The following TTLL9 variants were observed in gnomAD, a reference collection of about 807,000 sequenced individuals.
TTLL9 encodes the protein probable tubulin polyglutamylase TTLL9.
In TTLL9, 47 loss-of-function variants were observed where a neutral mutation model predicts 65.6. That is an observed-to-expected ratio of 0.72 (90% CI 0.57 to 0.91). The LOEUF is 0.91. Among genes scored for constraint, TTLL9 ranks in the 40% least tolerant of loss-of-function variants. The pLI, the probability that TTLL9 is intolerant of heterozygous loss-of-function variation, is 0.00. For missense variants in TTLL9, 537 were observed against 568.8 expected (o/e 0.94, Z 0.57); for synonymous variants, 179 against 204.8 (o/e 0.87, Z 1.07).
intron 7 of TTLL9, among the ~76,000 whole-genome samples, chr20:31,920,300 C>T (rs1262941380): frequency 2.0e-5 from 3 of 152,072 alleles, no homozygotes; most frequent in South Asian, 2.1e-4. Flanking sequence ...ACTCAGCGCT[C>T]GATGCACGTT....
intron 10 of TTLL9, among the ~76,000 whole-genome samples, chr20:31,926,782 G>GTA (rs1207970999): frequency 6.6e-6 from 1 of 152,156 alleles, no homozygotes; most frequent in African/African-American, 2.4e-5. Context: ...GTCTAGAACA[G>GTA]TGTTTGAAAG....
chr20:31,923,610 CA>C (rs2063847964), intron 8 of TTLL9, among the ~76,000 whole-genome samples: 3 of 152,154 alleles, frequency 2.0e-5, no homozygotes, highest in African/African-American at 7.2e-5. Flanking sequence ...ATCACAAGGG[CA>C]AAAGGCCCTG....
intron 10 of TTLL9, among the ~76,000 whole-genome samples, chr20:31,932,882 G>A (rs1033818200): frequency 2.0e-5 from 3 of 151,984 alleles, no homozygotes; most frequent in East Asian, 1.9e-4. Flanking sequence ...TGTAATCCCC[G>A]CTACTTAGGA....
chr20:31,929,734 C>T (rs896755877), intron 10 of TTLL9, among the ~76,000 whole-genome samples: 3 of 152,142 alleles, frequency 2.0e-5, no homozygotes, highest in Non-Finnish European at 4.4e-5. Context: ...TCTTCATAAA[C>T]CTTTTACAGT....
intron 2 of TTLL9, among the ~76,000 whole-genome samples, chr20:31,883,431 TGTG>T (rs1011982638): frequency 1.1e-4 from 16 of 152,204 alleles, no homozygotes; most frequent in African/African-American, 3.9e-4. Context: ...CTCCTGACCT[TGTG>T]ATCCACCTGC....
intron 4 of TTLL9, among the ~76,000 whole-genome samples, chr20:31,906,577 T>A (rs913280258): frequency 1.3e-5 from 2 of 152,188 alleles, no homozygotes; most frequent in Non-Finnish European, 2.9e-5. Context: ...CTCCTCCAGA[T>A]GTCTTTTAAA....
intron 4 of TTLL9, among the ~76,000 whole-genome samples, chr20:31,902,860 C>CATTT (rs763482166): frequency 1.5e-4 from 23 of 151,956 alleles, no homozygotes; most frequent in South Asian, 2.1e-4. Context: ...ATTATTCATC[C>CATTT]ATTTATTTAT....
chr20:31,899,124 A>G (rs1382792439), intron 4 of TTLL9, among the ~76,000 whole-genome samples: 1 of 152,270 alleles, frequency 6.6e-6, no homozygotes, highest in African/African-American at 2.4e-5. Context: ...AAAGTAAAAG[A>G]GGCTTCGACA....
At chr20:31,917,062 T>C (rs2063746070) in intron 6 of TTLL9, among the ~76,000 whole-genome samples, 1 of 152,166 alleles carries the variant, frequency 6.6e-6, no homozygotes, top group Non-Finnish European at 1.5e-5. Context: ...CCAAAGCATA[T>C]GAACCTGAAA....
chr20:31,891,841 C>T (rs985359809), intron 3 of TTLL9, among the ~76,000 whole-genome samples: 4 of 152,308 alleles, frequency 2.6e-5, no homozygotes, highest in Middle Eastern at 3.4e-3. Flanking sequence ...CTCACTCTGT[C>T]ACCCAGGCTG....
intron 10 of TTLL9, among the ~76,000 whole-genome samples, chr20:31,930,326 AG>A (rs2063987342): frequency 6.6e-6 from 1 of 152,160 alleles, no homozygotes. Flanking sequence ...CAAAATGAAA[AG>A]ATTTTTTAAA....
At chr20:31,935,130 G>A (rs1341616489) in intron 12 of TTLL9, among the ~76,000 whole-genome samples, 1 of 152,188 alleles carries the variant, frequency 6.6e-6, no homozygotes, top group African/African-American at 2.4e-5. Context: ...TGAGGACCGA[G>A]CCTGGCACTG....
chr20:31,934,872 G>T lies in TTLL9; in HGVS notation c.988G>T (p.Asp330Tyr). The T allele has an allele frequency of 6.2e-7, 1 of 1,611,766 alleles. No individual in the cohort carries two copies. Among genetic ancestry groups the T allele is most frequent in the South Asian group, 1.1e-5 (1 of 90,786 alleles). ...FELYGYDILI[D>Y]QDLKPWLLEV... Reference sequence around the variant, plus strand: ...GCTGTACGGCTATGACATCCTCATCGACCAGGACCTCAAGCCGTAAGTGGG... The same window carrying T: ...GCTGTACGGCTATGACATCCTCATCTACCAGGACCTCAAGCCGTAAGTGGG... The change falls in exon 12 of 15, where the codon GAC becomes TAC. Residue 330 changes from aspartate to tyrosine, a missense_variant. Coordinates refer to ENST00000535842, the MANE Select transcript of TTLL9 (RefSeq NM_001008409.5).
chr20:31,938,677 A>G (rs1230221244), intron 13 of TTLL9, among the ~76,000 whole-genome samples: 2 of 152,194 alleles, frequency 1.3e-5, no homozygotes. Flanking sequence ...CAGGCGTTTG[A>G]GACCATCCTG....
At chr20:31,936,341 A>G (rs1284698652) in intron 12 of TTLL9, among the ~76,000 whole-genome samples, 2 of 152,158 alleles carry the variant, frequency 1.3e-5, no homozygotes, top group Non-Finnish European at 2.9e-5. Flanking sequence ...TCAAACACCT[A>G]TAATAATAAT....
chr20:31,938,338 G>A (rs2064152493), intron 13 of TTLL9: 4 of 388,884 alleles, frequency 1.0e-5, no homozygotes, highest in Admixed American at 2.9e-5. Context: ...AGGGAGGGAG[G>A]AGTGGTTCTC....
In TTLL9 at chr20:31,909,806, A is replaced by G. The variant is rs2063619080; in HGVS notation, c.388A>G (p.Lys130Glu). 2 of 1,614,186 alleles carry G rather than the reference A, an allele frequency of 1.2e-6. No individual in the cohort carries two copies. The highest frequency in any genetic ancestry group is 1.7e-6 in the Non-Finnish European group (2 of 1,180,030). Residue 130 changes from lysine to glutamate, a missense_variant, in exon 6 of 15, where the codon AAG becomes GAG. Around this residue, in one of 3 missense-constraint regions of TTLL9, gnomAD observed 320 missense variants for 311.0 expected, o/e 1.03. Transcript: ENST00000535842. ...FRKQLEREAGKLEAAKCDFFP... is the reference protein window; with the variant it reads ...FRKQLEREAGELEAAKCDFFP... ...GAAGCAGCTGGAGCGTGAGGCAGGA[A>G]AGCTGGAGGCAGCCAAGTGTGACTT...
intron 10 of TTLL9, among the ~76,000 whole-genome samples, chr20:31,929,735 C>T (rs1013841305): frequency 1.3e-5 from 2 of 152,108 alleles, no homozygotes; most frequent in Admixed American, 6.5e-5. Flanking sequence ...CTTCATAAAC[C>T]TTTTACAGTA....
Position 31,934,727 on chromosome 20 carries a change from C to T in TTLL9, c.843C>T (p.Tyr281=), listed in dbSNP as rs1319565756. The T allele has an allele frequency of 6.2e-7, 1 of 1,612,202 alleles. No individual in the cohort carries two copies. Among genetic ancestry groups the T allele is most frequent in the African/African-American group, 1.3e-5 (1 of 74,896 alleles). Residue 281 remains tyrosine, a synonymous_variant, in exon 12 of 15, where the codon TAC becomes TAT. Transcript: ENST00000535842. The part of the protein sequence containing the change: ...CKWTLQRFRQ[Y]LASKHGPEAV... ...GGACGCTGCAGCGCTTCCGGCAGTA[C>T]CTGGCGTCCAAACACGGGCCCGAGG... is the stretch of plus-strand genomic sequence containing the variant.
Sources: allele counts gnomAD v4.1 joint callset (sites outside exome capture counted in the v4.1 genomes callset), GRCh38; gene constraint gnomAD v4.1.1; regional missense constraint gnomAD v4.1.1; transcripts MANE v1.5; gene names NCBI Gene and HGNC (gene_info 2026-07-23, HGNC 2026-07-21).